The following CREBRF variants were observed in gnomAD, a reference collection of about 807,000 sequenced individuals.
CREBRF encodes CREB3 regulatory factor, also known as UPF0474 protein C5orf41.
A neutral mutation model predicts 66.1 loss-of-function variants in CREBRF; 5 were observed. That is an observed-to-expected ratio of 0.08 (90% CI 0.04 to 0.16). The LOEUF (loss-of-function observed/expected upper bound fraction) is 0.16, where lower values mean the gene tolerates loss of function less well. Among genes scored for constraint, CREBRF ranks in the 10% least tolerant of loss-of-function variants. The probability of loss-of-function intolerance (pLI) is 1.00; values close to 1 mark genes in which losing one functional copy is unlikely to be tolerated. For synonymous variants in CREBRF, 229 were observed against 264.4 expected, an observed-to-expected ratio of 0.87 and a Z score of 1.30; for missense variants, 531 against 744.9, an observed-to-expected ratio of 0.71 and a Z score of 3.34.
intron 2 of CREBRF, among the ~76,000 whole-genome samples, chr5:173,081,267 C>T (rs1412181418): frequency 1.8e-4 from 27 of 152,254 alleles, no homozygotes; most frequent in Non-Finnish European, 1.0e-4. Context: ...GTAAATATCT[C>T]CCCACAAAAT....
chr5:173,086,552 A>G lies in CREBRF; in HGVS notation c.61A>G (p.Thr21Ala), dbSNP rs1318599658. The G allele has an allele frequency of 2.5e-6, 4 of 1,614,086 alleles. No homozygotes were observed. The highest frequency in any genetic ancestry group is 1.7e-5 in the Admixed American group (1 of 60,020). ...TTTCGGGGATGCCTTTCGAAGCCAC[A>G]CCTTTTCGGAACAAACTCTGATGAG... ...PPFGDAFRSH[T>A]FSEQTLMSTD... The change falls in exon 3 of 9, where the codon ACC (threonine) becomes GCC (alanine). Residue 21 changes from threonine (T) to alanine (A), a missense_variant. Coordinates refer to ENST00000296953, the MANE Select transcript of CREBRF (RefSeq NM_153607.3).
At chr5:173,102,275 C>A (rs1185592078) in intron 4 of CREBRF, among the ~76,000 whole-genome samples, 1 of 152,140 alleles carries the variant, frequency 6.6e-6, no homozygotes, top group African/African-American at 2.4e-5. Flanking sequence ...TCATTTGTCC[C>A]TGATTATTTG....
At chr5:173,072,732 C>A (rs535592720) in intron 1 of CREBRF, among the ~76,000 whole-genome samples, 2 of 151,402 alleles carry the variant, frequency 1.3e-5, no homozygotes, top group East Asian at 3.9e-4. Flanking sequence ...TAAAATGGGG[C>A]ATAAGAACTC....
At chr5:173,122,098 C>CTGT (rs1039498622) in intron 7 of CREBRF, among the ~76,000 whole-genome samples, 4 of 152,058 alleles carry the variant, frequency 2.6e-5, no homozygotes, top group Admixed American at 1.3e-4. Context: ...TTGTTTGCTG[C>CTGT]TGTTGTTGTT....
intron 1 of CREBRF, among the ~76,000 whole-genome samples, chr5:173,072,681 G>A (rs1376221587): frequency 6.7e-6 from 1 of 149,850 alleles, no homozygotes; most frequent in African/African-American, 2.5e-5. Context: ...CTCCTGCCTC[G>A]GCTTCCCAAA....
intron 8 of CREBRF, among the ~76,000 whole-genome samples, chr5:173,126,201 C>T (rs1311210636): frequency 6.6e-6 from 1 of 151,988 alleles, no homozygotes; most frequent in African/African-American, 2.4e-5. Flanking sequence ...AGTGCAGTGG[C>T]GTGATCTTGG....
At chr5:173,065,125 T>G (rs1179229566) in intron 1 of CREBRF, among the ~76,000 whole-genome samples, 1 of 152,204 alleles carries the variant, frequency 6.6e-6, no homozygotes, top group East Asian at 1.9e-4. Flanking sequence ...TTACGATGGT[T>G]TTTCAGAACA....
chr5:173,079,296 A>G lies in CREBRF; in HGVS notation c.-191-1289A>G, dbSNP rs1383331105. The stretch of plus-strand genomic sequence containing the variant: ...TTATAGTCAGTTTATTAATCTAATT[A>G]AGTAGAACAATGATTGAGTCCCTGG... On this transcript the variant is annotated intron_variant, in intron 1 of 8. Coordinates refer to ENST00000296953, the MANE Select transcript of CREBRF (RefSeq NM_153607.3). Among the ~76,000 whole-genome samples the G allele has an allele frequency of 7.2e-5, 11 of 151,996 alleles. No homozygotes were observed. The East Asian group carries it at 2.1e-3, about 29-fold the overall frequency.
intron 8 of CREBRF, among the ~76,000 whole-genome samples, chr5:173,133,274 C>T (rs1581057269): frequency 1.3e-5 from 2 of 152,316 alleles, no homozygotes; most frequent in East Asian, 1.9e-4. Flanking sequence ...TTGGAAGAGA[C>T]TGGCTGAGAG....
At chr5:173,093,464 G>A (rs1237185536) in intron 4 of CREBRF, among the ~76,000 whole-genome samples, 6 of 152,170 alleles carry the variant, frequency 3.9e-5, no homozygotes, top group African/African-American at 1.4e-4. Flanking sequence ...ACATAGTAGG[G>A]TGGTAAGAAC....
intron 8 of CREBRF, among the ~76,000 whole-genome samples, chr5:173,126,809 C>G (rs1412893287): frequency 6.6e-6 from 1 of 152,106 alleles, no homozygotes; most frequent in Non-Finnish European, 1.5e-5. Context: ...CCTAGGGATA[C>G]CTTATCACTT....
chr5:173,082,014 T>TTTTTTTTTTTTTTTTTTTG (rs1757966771), intron 2 of CREBRF, among the ~76,000 whole-genome samples: 23 of 113,856 alleles, frequency 2.0e-4, no homozygotes, highest in Non-Finnish European at 2.9e-4. Flanking sequence ...TTTTTTTTTT[T>TTTTTTTTTTTTTTTTTTTG]TTTTTTTTTT....
intron 1 of CREBRF, chr5:173,060,191 G>A (rs1757224833): frequency 6.6e-6 from 1 of 150,914 alleles, no homozygotes; most frequent in South Asian, 2.1e-4. Flanking sequence ...AGTCAAGATC[G>A]GCATCTATAT....
In CREBRF at chr5:173,081,312, G is replaced by A. The variant is rs150533585; in HGVS notation, c.9+528G>A. Reference sequence around the variant, plus strand: ...AATGATTGTATCTGTTTATATTATGGCAGCTACTCTGAATTGATCAGTTTT... The same window carrying A: ...AATGATTGTATCTGTTTATATTATGACAGCTACTCTGAATTGATCAGTTTT... On this transcript the variant is annotated intron_variant, in intron 2 of 8. Transcript: ENST00000296953. Among the ~76,000 whole-genome samples the A allele has an allele frequency of 1.2e-4, 18 of 152,182 alleles. No individual in the cohort carries two copies. In the East Asian group the frequency reaches 3.5e-3, roughly 29 times the overall value.
At chr5:173,132,105 G>A (rs1417402456) in intron 8 of CREBRF, among the ~76,000 whole-genome samples, 1 of 131,328 alleles carries the variant, frequency 7.6e-6, no homozygotes, top group Non-Finnish European at 1.6e-5. Flanking sequence ...TTTTTTTTGA[G>A]ATGGAGTTTC....
Position 173,090,784 on chromosome 5 carries a change from A to G in CREBRF, c.605A>G (p.Gln202Arg), listed in dbSNP as rs764467881. The G allele has an allele frequency of 2.5e-6, 4 of 1,614,062 alleles. No individual in the cohort carries two copies. In the Admixed American group the frequency reaches 6.7e-5, roughly 27 times the overall value. Residue 202 changes from glutamine (Q) to arginine (R), a missense_variant, in exon 4 of 9, where the codon CAA becomes CGA. Transcript: ENST00000296953. This position sits in a 1 kb window ranked among gnomAD's most constrained non-coding sequence, Gnocchi z 4.5. ...GAGGTCCCTTTGTCAGACTGTGTCC[A>G]AAAAGCAAGTAAACCCACTTCAAGC... ...QAEVPLSDCV[Q>R]KASKPTSSTQ... is the part of the protein sequence containing the mutation.
At chr5:173,056,578 CT>C in intron 1 of CREBRF, 99 bp downstream of exon 1, 1 of 394,550 alleles carries the variant, frequency 2.5e-6, no homozygotes, top group Non-Finnish European at 4.5e-6. Context: ...GGCAGCAGCG[CT>C]GGGGCTCTGG....
In CREBRF at chr5:173,108,661, G is replaced by C; in HGVS notation, c.1260G>C (p.Val420=). The part of the protein sequence containing the change: ...ENDSVEDLKE[V]TSISSRKRGK... ...ATTCTGTAGAAGACCTGAAGGAGGT[G>C]ACTTCAATATCTTCACGGAAGAGAG... The change falls in exon 5 of 9, where the codon GTG becomes GTC. Residue 420 remains valine, a synonymous_variant. Transcript: ENST00000296953. The C allele has an allele frequency of 1.9e-6, 3 of 1,613,082 alleles. No individual in the cohort carries two copies. Among genetic ancestry groups the C allele is most frequent in the Non-Finnish European group, 2.5e-6 (3 of 1,179,764 alleles).
chr5:173,070,611 TC>T (rs973295341), intron 1 of CREBRF, among the ~76,000 whole-genome samples: 16 of 152,052 alleles, frequency 1.1e-4, no homozygotes, highest in Non-Finnish European at 2.4e-4. Context: ...TGTCCTCTCT[TC>T]CCTAGATAAT....
Sources: gnomAD v4.1 joint callset for allele counts (sites outside exome capture counted in the v4.1 genomes callset) on GRCh38, gnomAD v4.1.1 for gene constraint, Gnocchi (gnomAD v3.1) non-coding constraint, MANE v1.5 for transcripts, NCBI Gene and HGNC (gene_info 2026-07-23, HGNC 2026-07-21) for gene names.